WSB2: variants seen among roughly 807,000 people sequenced by gnomAD.
WSB2 encodes the protein WD repeat and SOCS box containing 2.
A neutral mutation model predicts 48.8 loss-of-function variants in WSB2; 12 were observed. The observed-to-expected ratio is 0.25, with a 90% CI of 0.16 to 0.40. WSB2 has a LOEUF of 0.40. Among genes scored for constraint, WSB2 ranks in the 10% least tolerant of loss-of-function variants. The pLI is 1.00. For missense variants in WSB2, 317 were observed against 506.2 expected, an observed-to-expected ratio of 0.63 and a Z score of 3.59; for synonymous variants, 191 against 203.1, an observed-to-expected ratio of 0.94 and a Z score of 0.51.
upstream of WSB2, chr12:118,061,247 G>T (rs1259497388): frequency 1.1e-6 from 1 of 934,844 alleles, no homozygotes; most frequent in Non-Finnish European, 1.3e-6. Context: ...CGGAGGGGGG[G>T]TGCGGACGGG....
chr12:118,035,177 T>C, intron 7 of WSB2, 37 bp downstream of exon 7: 1 of 1,613,540 alleles, frequency 6.2e-7, no homozygotes, highest in African/African-American at 1.3e-5. Flanking sequence ...TGCAAGCACT[T>C]GTTCTGAGGC....
chr12:118,051,031 AAC>A (rs1424918980), intron 2 of WSB2, among the ~76,000 whole-genome samples: 2 of 152,064 alleles, frequency 1.3e-5, no homozygotes, highest in African/African-American at 2.4e-5. Context: ...CAGCCTGAAC[AAC>A]AGAGTGAGAC....
intron 1 of WSB2, among the ~76,000 whole-genome samples, chr12:118,058,397 G>C (rs151011671): frequency 1.3e-5 from 2 of 152,064 alleles, no homozygotes; most frequent in East Asian, 3.9e-4. Context: ...GCCCAGGCTG[G>C]AATGCAGTAG....
In WSB2 at chr12:118,035,198, G is replaced by C. The variant is rs1007259070; in HGVS notation, c.944+16C>G. The C allele has an allele frequency of 6.2e-7, 1 of 1,613,770 alleles. No individual in the cohort carries two copies. On this transcript the variant is annotated intron_variant, in intron 7 of 8. Transcript: ENST00000315436. ...CACTTGTTCTGAGGCCATGTAAAGA[G>C]AGTTCTCTTCGTTACCTGTCATCTG...
chr12:118,055,591 C>T lies in WSB2; in HGVS notation c.14-3113G>A, dbSNP rs1593474190. ...CCTGATAACATTCACAATTGGTTCACTTCCTCTACATTATCCTTTTTTTTT... is the reference window on the plus strand; with the variant it reads ...CCTGATAACATTCACAATTGGTTCATTTCCTCTACATTATCCTTTTTTTTT... On this transcript the variant is annotated intron_variant, in intron 1 of 8. Transcript: ENST00000315436. Among the ~76,000 whole-genome samples, 2 of 144,500 alleles carry T rather than the reference C, an allele frequency of 1.4e-5. 1 individual carries two copies. Among genetic ancestry groups the T allele is most frequent in the East Asian group, 4.2e-4 (2 of 4,764 alleles). The allele number at this position is 144,500 out of a possible 152,430, so 94.8% of individuals were successfully genotyped here.
At chr12:118,052,750 A>C (rs2031878961) in intron 1 of WSB2, 2 of 516,602 alleles carry the variant, frequency 3.9e-6, no homozygotes, top group Non-Finnish European at 6.9e-6. Flanking sequence ...TTTCCTATGA[A>C]TACTTGAAGG....
chr12:118,061,017 C>A lies in WSB2; in HGVS notation c.13+19G>T, dbSNP rs1369424548. The A allele has an allele frequency of 6.1e-6, 6 of 979,880 alleles. No individual in the cohort carries two copies. The African/African-American group carries it at 8.9e-5, about 15-fold the overall frequency. The allele number at this position is 979,880 out of a possible 1,614,324, so 60.7% of individuals were successfully genotyped here. ...CAGGGCCCCGCCGGGCGGGAACGGGCGCGCCCGGCCCCACTCACCTCCGGC... is the reference window on the plus strand; with the variant it reads ...CAGGGCCCCGCCGGGCGGGAACGGGAGCGCCCGGCCCCACTCACCTCCGGC... On this transcript the variant is annotated intron_variant, in intron 1 of 8. Coordinates refer to ENST00000315436, the MANE Select transcript of WSB2 (RefSeq NM_018639.5).
rs1325274645 is a variant in WSB2, at chr12:118,043,216, T to G, written c.344A>C (p.His115Pro). 6.2e-7 allele frequency: 1 copy of G among 1,613,982 alleles called. No homozygotes were observed. Among genetic ancestry groups the G allele is most frequent in the Admixed American group, 1.7e-5 (1 of 59,990 alleles). Reference sequence around the variant, plus strand: ...GCAAGAGACATCGGGCACTTGGGGGTGGTGGCGTGCCCAGAGCTTCCTGCT... The same window carrying G: ...GCAAGAGACATCGGGCACTTGGGGGGGGTGGCGTGCCCAGAGCTTCCTGCT... ...PPSRKLWARH[H>P]PQVPDVSCLV... The change falls in exon 3 of 9, where the codon CAC (histidine) becomes CCC (proline). Residue 115 changes from histidine to proline, a missense_variant. Coordinates refer to ENST00000315436, the MANE Select transcript of WSB2 (RefSeq NM_018639.5).
chr12:118,062,084 T>G, upstream of WSB2: 1 of 1,534,708 alleles, frequency 6.5e-7, no homozygotes, highest in Non-Finnish European at 8.7e-7. Context: ...GGAAGAAGAC[T>G]GTCCCCTTAC....
chr12:118,051,040 A>T (rs1021905877), intron 2 of WSB2, among the ~76,000 whole-genome samples: 2 of 151,988 alleles, frequency 1.3e-5, no homozygotes, highest in Non-Finnish European at 2.9e-5. Flanking sequence ...CAACAGAGTG[A>T]GACTCTGTCT....
At chr12:118,043,696 C>T (rs1317913013) in intron 2 of WSB2, among the ~76,000 whole-genome samples, 1 of 152,182 alleles carries the variant, frequency 6.6e-6, no homozygotes, top group Non-Finnish European at 1.5e-5. Flanking sequence ...ATCTGCCCAC[C>T]TTGCCCTCCC....
Position 118,034,043 on chromosome 12 carries a change from T to C in WSB2, c.*153A>G. On this transcript the variant is annotated 3_prime_UTR_variant, in exon 9 of 9. Transcript: ENST00000315436. ...TGCCAGGGAGAGAAAGATCCATGAC[T>C]AGTACACTGGAATCTGGTTTTGCTA... The C allele has an allele frequency of 1.0e-6, 1 of 999,090 alleles. No homozygotes were observed. Among genetic ancestry groups the C allele is most frequent in the Non-Finnish European group, 1.5e-6 (1 of 664,352 alleles). The allele number at this position is 999,090 out of a possible 1,614,324, so 61.9% of individuals were successfully genotyped here.
At chr12:118,038,470 A>G in intron 4 of WSB2, 82 bp from the exon 5 acceptor site, 1 of 1,314,094 alleles carries the variant, frequency 7.6e-7, no homozygotes, top group Non-Finnish European at 1.1e-6. Flanking sequence ...GGGTGGTAAC[A>G]GCCCCCAGCC....
chr12:118,043,409 G>A, intron 2 of WSB2, 32 bp from the exon 3 acceptor site: 4 of 1,521,528 alleles, frequency 2.6e-6, no homozygotes, highest in Non-Finnish European at 1.8e-6. Flanking sequence ...TAATGAATCT[G>A]CAATTGTTAC....
intron 5 of WSB2, 58 bp from the exon 6 acceptor site, chr12:118,036,568 G>A (rs2031516396): frequency 5.3e-6 from 8 of 1,520,138 alleles, no homozygotes; most frequent in Admixed American, 4.0e-5. Context: ...GGACTCAAAC[G>A]GAGGGAGGGA....
At chr12:118,055,646 ACT>A (rs2031944072) in intron 1 of WSB2, among the ~76,000 whole-genome samples, 1 of 110,714 alleles carries the variant, frequency 9.0e-6, no homozygotes. Flanking sequence ...ATGGAGTCTC[ACT>A]CTGTCACCCA....
Position 118,043,322 on chromosome 12 carries a change from G to C in WSB2, c.238C>G (p.Arg80Gly). The C allele has an allele frequency of 1.9e-6, 3 of 1,603,354 alleles. No homozygotes were observed. Among genetic ancestry groups the C allele is most frequent in the Non-Finnish European group, 2.6e-6 (3 of 1,174,728 alleles). ...AGCGTCTTCTCTTTTGGGCTGCCCC[G>C]CCCTTTCGTCTCATTTTTGCTACTT... is the stretch of plus-strand genomic sequence containing the variant. ...SRSSKNETKG[R>G]GSPKEKTLDC... The change falls in exon 3 of 9, where the codon CGG becomes GGG. Residue 80 changes from arginine (R) to glycine (G), a missense_variant. Coordinates refer to ENST00000315436, the MANE Select transcript of WSB2 (RefSeq NM_018639.5).
At chr12:118,059,418 C>T (rs1442807578) in intron 1 of WSB2, among the ~76,000 whole-genome samples, 2 of 152,000 alleles carry the variant, frequency 1.3e-5, no homozygotes, top group African/African-American at 4.8e-5. Flanking sequence ...ACATAGTAGA[C>T]GTTCAACAAA....
chr12:118,044,100 C>T (rs553149988), intron 2 of WSB2, among the ~76,000 whole-genome samples: 2 of 151,284 alleles, frequency 1.3e-5, no homozygotes, highest in East Asian at 1.9e-4. Flanking sequence ...GCCTGGGGAA[C>T]GAAGGCAAAA....
Sources: gnomAD v4.1 joint callset for allele counts (sites outside exome capture counted in the v4.1 genomes callset) on GRCh38, gnomAD v4.1.1 for gene constraint, MANE v1.5 for transcripts, NCBI Gene and HGNC (gene_info 2026-07-23, HGNC 2026-07-21) for gene names.